Variants in PEX5L observed in about 807,000 individuals in gnomAD.
The protein encoded by PEX5L is PEX5-related protein.
PEX5L carries 30 observed loss-of-function variants against 84.0 expected under a neutral mutation model. The ratio of observed to expected loss-of-function variants is 0.36; its 90% confidence interval spans 0.27 to 0.48. The LOEUF (loss-of-function observed/expected upper bound fraction) is 0.48, where lower values mean the gene tolerates loss of function less well. Ranked by LOEUF, PEX5L falls within the 20% of genes least tolerant of loss-of-function variation. PEX5L has a pLI of 0.99. For synonymous variants in PEX5L, 270 were observed against 283.1 expected, an observed-to-expected ratio of 0.95 and a Z score of 0.46; for missense variants, 533 against 754.6, an observed-to-expected ratio of 0.71 and a Z score of 3.44.
chr3:179,924,485 A>G (rs1183807307), intron 2 of PEX5L, among the ~76,000 whole-genome samples: 1 of 152,242 alleles, frequency 6.6e-6, no homozygotes, highest in Admixed American at 6.5e-5. Flanking sequence ...AATTTAATTC[A>G]TACTCTTACC....
At chr3:179,884,029 T>C (rs1253843264) in intron 4 of PEX5L, among the ~76,000 whole-genome samples, 1 of 152,228 alleles carries the variant, frequency 6.6e-6, no homozygotes, top group African/African-American at 2.4e-5. Flanking sequence ...ATATGGTAAG[T>C]GCTTATGAGT....
At chr3:179,935,237 A>G (rs2109698398) in intron 2 of PEX5L, among the ~76,000 whole-genome samples, 1 of 152,342 alleles carries the variant, frequency 6.6e-6, no homozygotes, top group East Asian at 1.9e-4. Flanking sequence ...AAAGTTTCAG[A>G]ATTAAAGTGT....
chr3:179,935,910 T>C (rs1430039834), intron 2 of PEX5L, among the ~76,000 whole-genome samples: 2 of 152,200 alleles, frequency 1.3e-5, no homozygotes, highest in African/African-American at 4.8e-5. Flanking sequence ...TCTTTCTTTT[T>C]TTGGCATACC....
At chr3:179,927,603 T>C (rs867537566) in intron 2 of PEX5L, among the ~76,000 whole-genome samples, 6 of 152,216 alleles carry the variant, frequency 3.9e-5, no homozygotes, top group African/African-American at 1.2e-4. Context: ...AAACTAATAA[T>C]AAAATTGGGC....
At chr3:179,966,855 CTAAGA>C (rs1783463198) in intron 2 of PEX5L, among the ~76,000 whole-genome samples, 1 of 152,168 alleles carries the variant, frequency 6.6e-6, no homozygotes, top group South Asian at 2.1e-4. Flanking sequence ...AGGCTGTAAG[CTAAGA>C]TGAGTATGTG....
intron 2 of PEX5L, among the ~76,000 whole-genome samples, chr3:179,964,880 C>G (rs1252847985): frequency 1.3e-5 from 2 of 152,176 alleles, no homozygotes; most frequent in African/African-American, 4.8e-5. Context: ...TATACAAGAA[C>G]TTATTTCTTT....
chr3:179,973,697 A>G (rs1202455153), intron 1 of PEX5L: 1 of 985,242 alleles, frequency 1.0e-6, no homozygotes, highest in East Asian at 1.1e-4. Flanking sequence ...TGCAACTTCT[A>G]CAAATACCAA....
intron 10 of PEX5L, among the ~76,000 whole-genome samples, chr3:179,812,916 G>A (rs34304609): frequency 6.6e-6 from 1 of 151,786 alleles, no homozygotes. Context: ...AGATTATACC[G>A]TTTTAAAACA....
At chr3:179,978,931 A>G (rs4855131) in intron 1 of PEX5L, among the ~76,000 whole-genome samples, 96,050 of 152,036 alleles carry the variant, frequency 0.63, 31,816 homozygotes, top group East Asian at 0.89. Flanking sequence ...TAATTACCAC[A>G]TCCTCAAGTT....
intron 1 of PEX5L, among the ~76,000 whole-genome samples, chr3:180,009,714 C>T (rs1168101363): frequency 6.6e-6 from 1 of 151,782 alleles, no homozygotes; most frequent in Non-Finnish European, 1.5e-5. Flanking sequence ...AGTTCCATGC[C>T]TAGCTCTATT....
intron 1 of PEX5L, among the ~76,000 whole-genome samples, chr3:180,031,645 G>T (rs1375748028): frequency 6.6e-6 from 1 of 152,140 alleles, no homozygotes; most frequent in Non-Finnish European, 1.5e-5. Flanking sequence ...TTGCACACTG[G>T]TTATCCTATA....
intron 1 of PEX5L, among the ~76,000 whole-genome samples, chr3:179,980,812 TC>T (rs1453677957): frequency 6.6e-6 from 1 of 151,920 alleles, no homozygotes; most frequent in African/African-American, 2.4e-5. Context: ...GAGGCTGAGG[TC>T]AGGAGTTCAA....
chr3:179,811,990 G>C, intron 10 of PEX5L, 119 bp from the exon 11 acceptor site: 1 of 770,474 alleles, frequency 1.3e-6, no homozygotes, highest in African/African-American at 1.7e-5. Context: ...ATATGTGAGC[G>C]CTATATAAAA....
chr3:179,973,981 C>G (rs1035427874), intron 1 of PEX5L: 20 of 985,298 alleles, frequency 2.0e-5, no homozygotes, highest in African/African-American at 3.5e-5. Flanking sequence ...GGGGATTAAT[C>G]CTTTTCTAAG....
chr3:179,934,976 G>C (rs936577693), intron 2 of PEX5L, among the ~76,000 whole-genome samples: 1 of 151,770 alleles, frequency 6.6e-6, no homozygotes, highest in African/African-American at 2.4e-5. Context: ...ACCTGATTTT[G>C]GCAGAAATAA....
At chr3:179,829,437 C>G (rs749685410) in intron 8 of PEX5L, among the ~76,000 whole-genome samples, 1 of 152,160 alleles carries the variant, frequency 6.6e-6, no homozygotes, top group Non-Finnish European at 1.5e-5. Context: ...AGGTTAGAAT[C>G]TCAGTACTTA....
chr3:179,954,430 C>T (rs982137851), intron 2 of PEX5L, among the ~76,000 whole-genome samples: 2 of 152,276 alleles, frequency 1.3e-5, no homozygotes, highest in South Asian at 2.1e-4. Flanking sequence ...TGCCCTATTC[C>T]GTGATTCAGT....
intron 2 of PEX5L, among the ~76,000 whole-genome samples, 161 bp downstream of exon 2, chr3:179,971,433 A>ACATGCAAAAGACAGT (rs1228558559): frequency 3.9e-5 from 6 of 152,162 alleles, no homozygotes; most frequent in Admixed American, 6.6e-5. Flanking sequence ...AGTGGATCAG[A>ACATGCAAAAGACAGT]GGCATCATAT....
intron 2 of PEX5L, among the ~76,000 whole-genome samples, chr3:179,911,829 A>G (rs1453401134): frequency 6.6e-6 from 1 of 152,178 alleles, no homozygotes; most frequent in Non-Finnish European, 1.5e-5. Context: ...GAACCATGTT[A>G]GGAAATCTAT....
Sources: gnomAD v4.1 joint callset for allele counts (sites outside exome capture counted in the v4.1 genomes callset) on GRCh38, gnomAD v4.1.1 for gene constraint, MANE v1.5 for transcripts, NCBI Gene and HGNC (gene_info 2026-07-23, HGNC 2026-07-21) for gene names.